Variants in SAMD7 observed in about 807,000 individuals in gnomAD.
SAMD7 encodes sterile alpha motif domain-containing protein 7.
In SAMD7, 34 loss-of-function variants were observed where a neutral mutation model predicts 36.7. That is an observed-to-expected ratio of 0.93 (90% CI 0.71 to 1.23). SAMD7 has a LOEUF of 1.23. Ranked by LOEUF, SAMD7 falls within the 50% of genes most tolerant of loss-of-function variation. SAMD7 has a pLI of 0.00. For missense variants in SAMD7, 570 were observed against 546.6 expected (o/e 1.04, Z -0.43); for synonymous variants, 188 against 189.7 (o/e 0.99, Z 0.07).
At chr3:169,930,018 C>G (rs1713425059) in intron 7 of SAMD7, among the ~76,000 whole-genome samples, 1 of 152,166 alleles carries the variant, frequency 6.6e-6, no homozygotes, top group African/African-American at 2.4e-5. Flanking sequence ...AAGAGCAACC[C>G]TTATTTAATA....
At chr3:169,915,615 C>G (rs1170810059) in intron 2 of SAMD7, among the ~76,000 whole-genome samples, 174 bp downstream of exon 2, 5 of 135,600 alleles carry the variant, frequency 3.7e-5, no homozygotes, top group African/African-American at 1.4e-4. Flanking sequence ...GACAGAATCT[C>G]CCTCTGTTGC....
intron 5 of SAMD7, among the ~76,000 whole-genome samples, chr3:169,925,368 TAA>T (rs59937452): frequency 6.8e-6 from 1 of 147,270 alleles, no homozygotes. Context: ...TGCTTTCACT[TAA>T]AAAAAAAAAG....
chr3:169,931,682 C>T (rs79955102), intron 7 of SAMD7, among the ~76,000 whole-genome samples: 3,079 of 152,224 alleles, frequency 0.02, 90 homozygotes, highest in African/African-American at 0.07. Flanking sequence ...GAAATAATTA[C>T]TTAATGCAGT....
chr3:169,924,420 C>T (rs1576831398), intron 4 of SAMD7, among the ~76,000 whole-genome samples: 2 of 152,070 alleles, frequency 1.3e-5, no homozygotes, highest in East Asian at 3.9e-4. Context: ...AACCCCATTT[C>T]TACTAAAAAT....
At chr3:169,921,888 A>G (rs1352781145) in intron 4 of SAMD7, among the ~76,000 whole-genome samples, 1 of 152,224 alleles carries the variant, frequency 6.6e-6, no homozygotes, top group Non-Finnish European at 1.5e-5. Context: ...CAGCTTGGTC[A>G]TGGATGGTGG....
chr3:169,933,841 G>T (rs1312619834), intron 7 of SAMD7, among the ~76,000 whole-genome samples: 2 of 152,206 alleles, frequency 1.3e-5, no homozygotes, highest in Non-Finnish European at 2.9e-5. Context: ...ATACGAGCAC[G>T]TTGTGAAAGG....
At chr3:169,923,512 G>T (rs1356934598) in intron 4 of SAMD7, among the ~76,000 whole-genome samples, 2 of 152,250 alleles carry the variant, frequency 1.3e-5, no homozygotes, top group Non-Finnish European at 2.9e-5. Flanking sequence ...GGGAGGCAAA[G>T]GCGGGCAGAT....
At chr3:169,934,721 G>A (rs1221582241) in intron 7 of SAMD7, among the ~76,000 whole-genome samples, 1 of 152,208 alleles carries the variant, frequency 6.6e-6, no homozygotes. Context: ...TAGCTTCTGA[G>A]TTAAAGATAC....
chr3:169,926,151 T>G (rs1467115028), intron 5 of SAMD7: 3 of 613,944 alleles, frequency 4.9e-6, no homozygotes, highest in Non-Finnish European at 7.9e-6. Flanking sequence ...CATTTATTTA[T>G]AAATATTGAG....
intron 4 of SAMD7, among the ~76,000 whole-genome samples, chr3:169,922,424 C>T (rs1713080515): frequency 1.3e-5 from 2 of 152,142 alleles, no homozygotes; most frequent in African/African-American, 4.8e-5. Context: ...GCCTGGAGGC[C>T]ACAGGAAGAA....
chr3:169,915,200 G>A (rs1712747672), intron 1 of SAMD7, among the ~76,000 whole-genome samples, 167 bp from the exon 2 acceptor site: 1 of 152,192 alleles, frequency 6.6e-6, no homozygotes, highest in Non-Finnish European at 1.5e-5. Context: ...GTTTCTTAGA[G>A]GGCTCCCAGC....
intron 2 of SAMD7, among the ~76,000 whole-genome samples, chr3:169,916,372 G>A (rs954297872): frequency 2.0e-4 from 31 of 152,328 alleles, no homozygotes; most frequent in East Asian, 1.9e-3. Flanking sequence ...TAGGCCAGGC[G>A]TGGTGGCTCA....
intron 3 of SAMD7, among the ~76,000 whole-genome samples, chr3:169,920,627 T>A (rs1713003916): frequency 6.6e-6 from 1 of 152,248 alleles, no homozygotes; most frequent in African/African-American, 2.4e-5. Context: ...AAGTAAATTA[T>A]AAGTATTTGG....
At chr3:169,935,384 T>C (rs888413062) in intron 7 of SAMD7, among the ~76,000 whole-genome samples, 2 of 152,204 alleles carry the variant, frequency 1.3e-5, no homozygotes, top group Non-Finnish European at 2.9e-5. Flanking sequence ...AGATCGTCTT[T>C]AAATGGTGGA....
At position 169,938,480 on chromosome 3, in the gene SAMD7, A is replaced by T; in HGVS notation, c.1315A>T (p.Ile439Phe). ...CCAGGATACAATAATTCCTAAAGGA[A>T]TTGAGCGAGGTAGTATGAGAAACTA... ...CPQDTIIPKG[I>F]ERGSMRN Residue 439 changes from isoleucine (I) to phenylalanine (F), a missense_variant, in exon 9 of 9, where the codon ATT becomes TTT. Transcript: ENST00000335556. 1 of 1,612,354 alleles carries T rather than the reference A, an allele frequency of 6.2e-7. No individual in the cohort carries two copies. Among genetic ancestry groups the T allele is most frequent in the Non-Finnish European group, 8.5e-7 (1 of 1,178,832 alleles).
intron 6 of SAMD7, among the ~76,000 whole-genome samples, chr3:169,928,245 C>T (rs1219232959): frequency 6.6e-6 from 1 of 152,142 alleles, no homozygotes; most frequent in Admixed American, 6.5e-5. Context: ...AACTTGTTTA[C>T]TTACAATAAA....
chr3:169,924,774 A>G (rs546059982), intron 4 of SAMD7, among the ~76,000 whole-genome samples: 1 of 152,350 alleles, frequency 6.6e-6, no homozygotes, highest in East Asian at 1.9e-4. Flanking sequence ...AGATTCACAA[A>G]TCACTTCATC....
intron 7 of SAMD7, among the ~76,000 whole-genome samples, chr3:169,935,027 G>A (rs941414451): frequency 6.6e-6 from 1 of 152,178 alleles, no homozygotes; most frequent in African/African-American, 2.4e-5. Flanking sequence ...TGCATGTTTG[G>A]TGGGACAGAG....
In SAMD7 at chr3:169,928,373, T is replaced by C. The variant is rs1713357805; in HGVS notation, c.920-84T>C. The C allele has an allele frequency of 2.4e-6, 3 of 1,241,964 alleles. No homozygotes were observed. The South Asian group carries it at 4.0e-5, about 16-fold the overall frequency. The allele number at this position is 1,241,964 out of a possible 1,614,324, so 76.9% of individuals were successfully genotyped here. ...AGGCGTTTGCAAATCAAGACCACTC[T>C]GGGGTGATAGAATATAAGGAAATTA... On this transcript the variant is annotated intron_variant, in intron 6 of 8. Transcript: ENST00000335556.
Sources: gnomAD v4.1 joint callset for allele counts (sites outside exome capture counted in the v4.1 genomes callset) on GRCh38, gnomAD v4.1.1 for gene constraint, MANE v1.5 for transcripts, NCBI Gene and HGNC (gene_info 2026-07-23, HGNC 2026-07-21) for gene names.